Variants in VPS13D observed in about 807,000 individuals in gnomAD.
The protein encoded by VPS13D is vacuolar protein sorting 13 homolog D.
In VPS13D, 187 loss-of-function variants were observed where a neutral mutation model predicts 461.9. The observed-to-expected ratio is 0.40, with a 90% CI of 0.36 to 0.46. The LOEUF (loss-of-function observed/expected upper bound fraction) is 0.46, where lower values mean the gene tolerates loss of function less well. Ranked by LOEUF, VPS13D falls within the 20% of genes least tolerant of loss-of-function variation. VPS13D has a pLI of 0.60. For missense variants in VPS13D, 4,711 were observed against 5,364.9 expected (o/e 0.88, Z 3.81); for synonymous variants, 1,951 against 1,986.3 (o/e 0.98, Z 0.47).
At chr1:12,281,222 A>G (rs1490695363) in intron 20 of VPS13D, among the ~76,000 whole-genome samples, 6 of 152,220 alleles carry the variant, frequency 3.9e-5, no homozygotes, top group Non-Finnish European at 8.8e-5. Flanking sequence ...ATTCTTTGAT[A>G]CTATCTAGTC....
chr1:12,444,549 A>G (rs975051245), intron 65 of VPS13D, among the ~76,000 whole-genome samples: 1 of 151,392 alleles, frequency 6.6e-6, no homozygotes, highest in Non-Finnish European at 1.5e-5. Flanking sequence ...TACACCTCTC[A>G]TGCTCTTTTC....
intron 67 of VPS13D, among the ~76,000 whole-genome samples, chr1:12,469,723 G>A (rs1044482799): frequency 6.6e-6 from 1 of 152,186 alleles, no homozygotes; most frequent in Non-Finnish European, 1.5e-5. Flanking sequence ...GTTTCTAGAA[G>A]TAACAATTGG....
chr1:12,378,544 G>T lies in VPS13D; in HGVS notation c.11034G>T (p.Gly3678=), dbSNP rs760475819. The T allele has an allele frequency of 2.5e-6, 4 of 1,610,184 alleles. No individual in the cohort carries two copies. In the South Asian group the frequency reaches 3.3e-5, roughly 13 times the overall value. The change falls in exon 56 of 70, where the codon GGG becomes GGT. Residue 3678 remains glycine, a synonymous_variant. Coordinates refer to ENST00000620676, the MANE Select transcript of VPS13D (RefSeq NM_015378.4). ...NKPSAARSTE[G]SAILDIAGLA... ...CCTCAGCCGCCCGCTCCACCGAGGGGTCTGCCATCTTAGATATTGCTGGTC... is the reference window on the plus strand; with the variant it reads ...CCTCAGCCGCCCGCTCCACCGAGGGTTCTGCCATCTTAGATATTGCTGGTC...
Position 12,322,476 on chromosome 1 carries a change from G to A in VPS13D, c.7705-60G>A. The A allele has an allele frequency of 2.0e-6, 3 of 1,506,328 alleles. No individual in the cohort carries two copies. In the South Asian group the frequency reaches 3.5e-5, roughly 17 times the overall value. The allele number at this position is 1,506,328 out of a possible 1,614,324, so 93.3% of individuals were successfully genotyped here. ...TGAAATAGGAATTACATCTGTAAGA[G>A]ATATGGATGTAAAACCAATGCAGCT... On this transcript the variant is annotated intron_variant, in intron 33 of 69. Coordinates refer to ENST00000620676, the MANE Select transcript of VPS13D (RefSeq NM_015378.4).
Position 12,327,743 on chromosome 1 carries a change from GTGGCAGCGCCATTGATCTC to G in VPS13D, c.8091_8109del (p.Ala2698TrpfsTer31). 6.2e-7 allele frequency: 1 copy of G among 1,614,198 alleles called. No homozygotes were observed. Among genetic ancestry groups the G allele is most frequent in the Non-Finnish European group, 8.5e-7 (1 of 1,180,032 alleles). ...CACCAGCCGAGATAGCCCAGGGGCT[GTGGCAGCGCCATTGATCTC>G]TGGCGTGGAGATCAAAGCTGAGAGT... is the stretch of plus-strand genomic sequence containing the variant. On this transcript the variant is annotated frameshift_variant, in exon 36 of 70. Transcript: ENST00000620676. LOFTEE classifies it high-confidence loss of function.
rs1457475387 is a variant in VPS13D, at chr1:12,308,620, A to G, written c.6629A>G (p.Gln2210Arg). The change falls in exon 27 of 70, where the codon CAG (glutamine) becomes CGG (arginine). Residue 2210 changes from glutamine (Q) to arginine (R), a missense_variant. This residue lies in a region of VPS13D where 4,411 missense variants were observed against 4,937.8 expected (regional missense o/e 0.89). Coordinates refer to ENST00000620676, the MANE Select transcript of VPS13D (RefSeq NM_015378.4). ...ACCGAGCCTTGTAGGCTGAAATTGC[A>G]GGTGGAAAGGAATTTGGACAAGTGA... ...LLTEPCRLKLQVERNLDKEIS... is the reference protein window; with the variant it reads ...LLTEPCRLKLRVERNLDKEIS... 3.1e-6 allele frequency: 5 copies of G among 1,611,708 alleles called. No individual in the cohort carries two copies. The highest frequency in any genetic ancestry group is 4.2e-6 in the Non-Finnish European group (5 of 1,179,418).
At chr1:12,432,893 C>T (rs1377635115) in intron 65 of VPS13D, among the ~76,000 whole-genome samples, 1 of 152,202 alleles carries the variant, frequency 6.6e-6, no homozygotes, top group Non-Finnish European at 1.5e-5. Flanking sequence ...CTGTGCCTGG[C>T]GTCTGAGTCC....
chr1:12,426,023 G>A (rs1308476411), intron 65 of VPS13D, among the ~76,000 whole-genome samples: 2 of 152,200 alleles, frequency 1.3e-5, no homozygotes, highest in Non-Finnish European at 2.9e-5. Context: ...TTGGGCCTTG[G>A]AATTTTCCAA....
At position 12,252,509 on chromosome 1, in the gene VPS13D, C is replaced by T. The variant is rs368865715; in HGVS notation, c.565-1213C>T. On this transcript the variant is annotated intron_variant, in intron 6 of 69. Coordinates refer to ENST00000620676, the MANE Select transcript of VPS13D (RefSeq NM_015378.4). ...CCCACTGGCTGGGTGCAGTGGCTCA[C>T]GCCTGTAATCCCAGCACTTTGGGAG... Among the ~76,000 whole-genome samples the T allele has an allele frequency of 3.8e-4, 58 of 152,252 alleles. 3 individuals are homozygous for T. The highest frequency in any genetic ancestry group is 2.1e-3 in the Admixed American group (32 of 15,286).
rs995381950 is a variant in VPS13D, at chr1:12,349,052, G to A, written c.9220+79G>A. 7.5e-6 allele frequency: 12 copies of A among 1,608,966 alleles called. No individual in the cohort carries two copies. The Middle Eastern group carries it at 5.4e-4, about 73-fold the overall frequency. On this transcript the variant is annotated intron_variant, in intron 45 of 69. Transcript: ENST00000620676. ...TTGTCAAGTCTCTTTTTCCCCAGTG[G>A]TATCTTCCCCAGCAGTCAGTATATA...
chr1:12,404,548 C>A (rs1644625080), intron 63 of VPS13D, among the ~76,000 whole-genome samples: 1 of 152,208 alleles, frequency 6.6e-6, no homozygotes, highest in Non-Finnish European at 1.5e-5. Context: ...TGACTACTTA[C>A]TAGACACAGC....
At chr1:12,308,775 C>T in intron 27 of VPS13D, 134 bp downstream of exon 27, 1 of 811,092 alleles carries the variant, frequency 1.2e-6, no homozygotes, top group Non-Finnish European at 1.9e-6. Flanking sequence ...CCTCAGCCTC[C>T]CAAGTAGCTG....
At chr1:12,281,127 A>G (rs983220228) in intron 20 of VPS13D, among the ~76,000 whole-genome samples, 4 of 150,590 alleles carry the variant, frequency 2.7e-5, no homozygotes, top group East Asian at 1.9e-4. Context: ...TATCACCCCT[A>G]TGTATTTAGA....
chr1:12,400,192 G>C lies in VPS13D; in HGVS notation c.11646G>C (p.Gln3882His). Reference sequence around the variant, plus strand: ...TTCCATGGCCGTAGGTGGACAATCAGCTCATTGGTACCACGCAGCCCTTCA... The same window carrying C: ...TTCCATGGCCGTAGGTGGACAATCACCTCATTGGTACCACGCAGCCCTTCA... The part of the protein sequence containing the change: ...LSIQDVQVDN[Q>H]LIGTTQPFML... The change falls in exon 61 of 70, where the codon CAG (glutamine) becomes CAC (histidine). Residue 3882 changes from glutamine (Q) to histidine (H), a missense_variant. Gln to His is a conservative substitution (Grantham distance 24). Around this residue, in one of 3 missense-constraint regions of VPS13D, gnomAD observed 4,411 missense variants for 4,937.8 expected, o/e 0.89. Coordinates refer to ENST00000620676, the MANE Select transcript of VPS13D (RefSeq NM_015378.4). 1 of 1,613,922 alleles carries C rather than the reference G, an allele frequency of 6.2e-7. No individual in the cohort carries two copies. Among genetic ancestry groups the C allele is most frequent in the Non-Finnish European group, 8.5e-7 (1 of 1,179,976 alleles).
At chr1:12,294,134 T>C (rs1042766650) in intron 24 of VPS13D, among the ~76,000 whole-genome samples, 1 of 152,252 alleles carries the variant, frequency 6.6e-6, no homozygotes, top group Admixed American at 6.5e-5. Context: ...GTATTTCCGT[T>C]TACAAAGTAA....
intron 29 of VPS13D, 32 bp from the exon 30 acceptor site, chr1:12,314,083 A>G (rs370798126): frequency 6.3e-7 from 1 of 1,596,456 alleles, no homozygotes. Context: ...GTTGTGTTTC[A>G]CATCTTGCTT....
chr1:12,435,865 A>G (rs1474244667), intron 65 of VPS13D, among the ~76,000 whole-genome samples: 1 of 152,166 alleles, frequency 6.6e-6, no homozygotes, highest in Non-Finnish European at 1.5e-5. Flanking sequence ...TCTTTTGTAG[A>G]TGCTGTACCA....
chr1:12,479,161 C>A (rs772709460), intron 67 of VPS13D, among the ~76,000 whole-genome samples: 1 of 152,206 alleles, frequency 6.6e-6, no homozygotes, highest in African/African-American at 2.4e-5. Context: ...TGGGTTCTTA[C>A]AGTGGGCACT....
In VPS13D at chr1:12,502,430, G is replaced by A. The variant is rs1646047515; in HGVS notation, c.12795-4423G>A. Among the ~76,000 whole-genome samples the A allele has an allele frequency of 6.6e-6, 1 of 152,068 alleles. No homozygotes were observed. The highest frequency in any genetic ancestry group is 2.4e-5 in the African/African-American group (1 of 41,416). On this transcript the variant is annotated intron_variant, in intron 68 of 69. Coordinates refer to ENST00000620676, the MANE Select transcript of VPS13D (RefSeq NM_015378.4). This position sits in a 1 kb window ranked among gnomAD's most constrained non-coding sequence, Gnocchi z 4.3. ...CTGAAGAGCAAGGGTTGGAGAAGGA[G>A]CATCTCCCCAGTGGACGAGCTGAGG...
Sources: gnomAD v4.1 joint callset for allele counts (sites outside exome capture counted in the v4.1 genomes callset) on GRCh38, gnomAD v4.1.1 for gene constraint, gnomAD v4.1.1 regional missense constraint, Gnocchi (gnomAD v3.1) non-coding constraint, MANE v1.5 for transcripts, NCBI Gene and HGNC (gene_info 2026-07-23, HGNC 2026-07-21) for gene names.